RHPN2: variants seen among roughly 807,000 people sequenced by gnomAD.
The protein encoded by RHPN2 is rhophilin Rho GTPase binding protein 2, also known as rhophilin-2.
A neutral mutation model predicts 79.0 loss-of-function variants in RHPN2; 40 were observed. The ratio of observed to expected loss-of-function variants is 0.51; its 90% confidence interval spans 0.39 to 0.66. The LOEUF is 0.66. Ranked by LOEUF, RHPN2 falls within the 30% of genes least tolerant of loss-of-function variation. RHPN2 has a pLI of 0.00. For missense variants in RHPN2, 686 were observed against 883.5 expected (o/e 0.78, Z 2.83); for synonymous variants, 285 against 363.5 (o/e 0.78, Z 2.46).
In RHPN2 at chr19:33,056,760, C is replaced by T. The variant is rs566428448; in HGVS notation, c.69+8024G>A. Among the ~76,000 whole-genome samples the T allele has an allele frequency of 2.6e-5, 4 of 152,056 alleles. No individual in the cohort carries two copies. In the South Asian group the frequency reaches 6.2e-4, roughly 24 times the overall value. ...GTGAGAAGCCAGGGAAAGCTGGGTG[C>T]GGTGGCTCATGCCTGTAATCCGAGC... On this transcript the variant is annotated intron_variant, in intron 1 of 14. Transcript: ENST00000254260.
At chr19:32,994,390 C>CG (rs1048424797) in intron 11 of RHPN2, among the ~76,000 whole-genome samples, 4 of 111,912 alleles carry the variant, frequency 3.6e-5, no homozygotes, top group Admixed American at 3.3e-4. Context: ...AGTCAGACTC[C>CG]GGGGGGAAAA....
intron 2 of RHPN2, among the ~76,000 whole-genome samples, chr19:33,035,021 G>A (rs1286469480): frequency 6.6e-6 from 1 of 152,040 alleles, no homozygotes; most frequent in African/African-American, 2.4e-5. Flanking sequence ...ACGCTGGAGT[G>A]CAGTGGTACG....
chr19:33,006,755 C>T (rs1261982941), intron 7 of RHPN2, among the ~76,000 whole-genome samples: 1 of 152,220 alleles, frequency 6.6e-6, no homozygotes, highest in Non-Finnish European at 1.5e-5. Context: ...TGACCCCAGT[C>T]CTCTATAGGT....
Position 33,036,190 on chromosome 19 carries a change from T to A in RHPN2, c.185+8059A>T, listed in dbSNP as rs998397768. On this transcript the variant is annotated intron_variant, in intron 2 of 14. Coordinates refer to ENST00000254260, the MANE Select transcript of RHPN2 (RefSeq NM_033103.5). ...ATATAGTAAGAAAGAAAATTAATTT[T>A]TTTTTTTTTTTTTGGTGACGGGAGT... Among the ~76,000 whole-genome samples the A allele has an allele frequency of 5.1e-3, 764 of 150,420 alleles. 4 individuals are homozygous for A. Among genetic ancestry groups the A allele is most frequent in the African/African-American group, 0.017 (713 of 41,326 alleles).
chr19:33,045,473 C>T (rs1972134888), intron 1 of RHPN2, among the ~76,000 whole-genome samples: 1 of 151,524 alleles, frequency 6.6e-6, no homozygotes, highest in Admixed American at 6.6e-5. Flanking sequence ...ACCATCAGTG[C>T]TATCTGATTT....
At chr19:33,048,535 G>A (rs1053398393) in intron 1 of RHPN2, among the ~76,000 whole-genome samples, 11 of 149,570 alleles carry the variant, frequency 7.4e-5, no homozygotes, top group African/African-American at 2.4e-4. Context: ...AGAACAGCCT[G>A]GCCAACATGG....
At chr19:32,983,215 T>C (rs986274299) in intron 14 of RHPN2, among the ~76,000 whole-genome samples, 3 of 151,786 alleles carry the variant, frequency 2.0e-5, no homozygotes, top group African/African-American at 7.3e-5. Context: ...ATCACATTCT[T>C]TGAAAAGCCT....
intron 3 of RHPN2, among the ~76,000 whole-genome samples, chr19:33,026,145 G>A (rs1472085344): frequency 5.3e-5 from 8 of 151,784 alleles, no homozygotes; most frequent in Non-Finnish European, 5.9e-5. Context: ...GCACCACCAC[G>A]CCTGGCTATT....
At chr19:33,005,412 CAAAAAAAAAA>C (rs766044835) in intron 7 of RHPN2, among the ~76,000 whole-genome samples, 1 of 62,726 alleles carries the variant, frequency 1.6e-5, no homozygotes, top group Admixed American at 2.2e-4. Context: ...GATTCTGTCT[CAAAAAAAAAA>C]AAAAAAAAAA....
chr19:33,006,977 C>T (rs781369719), intron 7 of RHPN2, among the ~76,000 whole-genome samples: 2 of 151,366 alleles, frequency 1.3e-5, no homozygotes, highest in Non-Finnish European at 2.9e-5. Flanking sequence ...AGTAGGCAGA[C>T]GTCGTAGTGA....
intron 12 of RHPN2, among the ~76,000 whole-genome samples, chr19:32,992,828 A>AAG (rs1255989786): frequency 6.6e-6 from 1 of 151,466 alleles, no homozygotes; most frequent in Non-Finnish European, 1.5e-5. Context: ...AAAAAAAAAA[A>AAG]AAAGGAAAAA....
At chr19:32,993,862 G>GCCCC (rs1568310655) in intron 12 of RHPN2, 115 bp downstream of exon 12, 1 of 796,060 alleles carries the variant, frequency 1.3e-6, no homozygotes, top group East Asian at 2.6e-5. Context: ...GCTGTCATAA[G>GCCCC]CCCCCCAGTT....
chr19:33,037,440 C>T (rs1281515715), intron 2 of RHPN2, among the ~76,000 whole-genome samples: 1 of 152,210 alleles, frequency 6.6e-6, no homozygotes, highest in African/African-American at 2.4e-5. Context: ...TAGCAACCTG[C>T]TCTGGTCCCT....
intron 3 of RHPN2, among the ~76,000 whole-genome samples, chr19:33,024,249 T>C (rs7248359): frequency 0.058 from 8,861 of 151,818 alleles, 519 homozygotes; most frequent in African/African-American, 0.16. Context: ...CTGGCCAACA[T>C]GGTGAAACCC....
At chr19:33,022,998 T>C (rs1971936707) in intron 3 of RHPN2, among the ~76,000 whole-genome samples, 1 of 152,084 alleles carries the variant, frequency 6.6e-6, no homozygotes, top group Non-Finnish European at 1.5e-5. Context: ...CCAGCCCCAA[T>C]GTGGCAATGA....
intron 1 of RHPN2, among the ~76,000 whole-genome samples, chr19:33,059,839 A>C (rs555027873): frequency 1.2e-3 from 176 of 152,126 alleles, no homozygotes; most frequent in African/African-American, 4.0e-3. Flanking sequence ...AACAAGACTG[A>C]CCTCTCAGCT....
In RHPN2 at chr19:32,991,819, T is replaced by C. The variant is rs1971661934; in HGVS notation, c.1644+4A>G. ...GCTGCCAATCAAGAAAAGCATGTGC[T>C]TACCGAGGCAGAGCAGTAAGGATCC... is the stretch of plus-strand genomic sequence containing the variant. On this transcript the variant is annotated splice_donor_region_variant and intron_variant, in intron 13 of 14. Transcript: ENST00000254260. The C allele has an allele frequency of 1.9e-6, 3 of 1,613,968 alleles. No individual in the cohort carries two copies. The highest frequency in any genetic ancestry group is 2.2e-5 in the East Asian group (1 of 44,876).
intron 1 of RHPN2, among the ~76,000 whole-genome samples, chr19:33,047,149 C>A (rs1972148890): frequency 6.6e-6 from 1 of 152,168 alleles, no homozygotes; most frequent in Non-Finnish European, 1.5e-5. Context: ...GTGTGAGCCA[C>A]CACACCCAGC....
At chr19:33,051,122 G>C (rs1214517281) in intron 1 of RHPN2, among the ~76,000 whole-genome samples, 1 of 152,178 alleles carries the variant, frequency 6.6e-6, no homozygotes, top group Non-Finnish European at 1.5e-5. Context: ...CTCCTGAGTA[G>C]CTGGGATTAC....
Sources: allele counts gnomAD v4.1 joint callset (sites outside exome capture counted in the v4.1 genomes callset), GRCh38; gene constraint gnomAD v4.1.1; transcripts MANE v1.5; gene names NCBI Gene and HGNC (gene_info 2026-07-23, HGNC 2026-07-21).